ZNRF1: variants seen among roughly 807,000 people sequenced by gnomAD.
The protein encoded by ZNRF1 is zinc and ring finger 1.
Under a neutral mutation model 18.4 loss-of-function variants are expected in ZNRF1, and 3 were observed. The ratio of observed to expected loss-of-function variants is 0.16; its 90% CI spans 0.07 to 0.42. The LOEUF (loss-of-function observed/expected upper bound fraction) is 0.42. Ranked by LOEUF, ZNRF1 falls within the 10% of genes least tolerant of loss-of-function variation. The probability of loss-of-function intolerance (pLI) is 0.99; values close to 1 mark genes in which losing one functional copy is unlikely to be tolerated. For missense variants in ZNRF1, 310 were observed against 329.8 expected (o/e 0.94, Z 0.47); for synonymous variants, 157 against 144.2 (o/e 1.09, Z -0.64).
intron 1 of ZNRF1, among the ~76,000 whole-genome samples, chr16:75,072,657 A>G (rs2035883681): frequency 6.6e-6 from 1 of 152,246 alleles, no homozygotes; most frequent in Non-Finnish European, 1.5e-5. Flanking sequence ...AGGATTAGCT[A>G]TGTTGTAGTA....
In ZNRF1 at chr16:75,010,222, A is replaced by G. The variant is rs1435415969; in HGVS notation, c.424+10127A>G. On this transcript the variant is annotated intron_variant, in intron 1 of 4. Transcript: ENST00000335325. ...GGTCTCGAACTCCTGGCCTCAGGTG[A>G]TCCACCCGCCTCAGCCTCCCAAAGT... Among the ~76,000 whole-genome samples the G allele has an allele frequency of 3.3e-5, 5 of 152,084 alleles. No homozygotes were observed. The East Asian group carries it at 9.6e-4, about 29-fold the overall frequency.
At chr16:75,022,291 A>T (rs4888330) in intron 1 of ZNRF1, among the ~76,000 whole-genome samples, 1 of 151,890 alleles carries the variant, frequency 6.6e-6, no homozygotes, top group African/African-American at 2.4e-5. Flanking sequence ...TGGCTGAGCG[A>T]GGTGGCTCAC....
rs73614029 is a variant in ZNRF1 at position 75,042,490 on chromosome 16, A to C, written c.424+42395A>C. 8.8e-3 allele frequency among the ~76,000 whole-genome samples: 1,261 copies of C among 142,694 alleles called. 19 individuals are homozygous for C. The highest frequency in any genetic ancestry group is 0.031 in the African/African-American group (1,198 of 39,134). 93.6% of individuals were successfully genotyped at this position (142,694 alleles called of 152,430 possible). Reference sequence around the variant, plus strand: ...AAACACACATATTTCTAGTTGTAGCAACATCATTTGTTGAAAAGACCATCC... The same window carrying C: ...AAACACACATATTTCTAGTTGTAGCCACATCATTTGTTGAAAAGACCATCC... On this transcript the variant is annotated intron_variant, in intron 1 of 4. Transcript: ENST00000335325.
At chr16:75,060,570 C>T (rs2145387073) in intron 1 of ZNRF1, among the ~76,000 whole-genome samples, 1 of 141,436 alleles carries the variant, frequency 7.1e-6, no homozygotes, top group Admixed American at 7.0e-5. Flanking sequence ...CCTCCGCCTC[C>T]CAGGTTCAAG....
intron 1 of ZNRF1, among the ~76,000 whole-genome samples, chr16:75,069,385 C>CT (rs2035842622): frequency 6.6e-6 from 1 of 152,160 alleles, no homozygotes. Flanking sequence ...AGTCTTGGAT[C>CT]TTTGTACATT....
At chr16:75,015,265 C>T (rs868320442) in intron 1 of ZNRF1, among the ~76,000 whole-genome samples, 1 of 152,158 alleles carries the variant, frequency 6.6e-6, no homozygotes, top group African/African-American at 2.4e-5. Flanking sequence ...TAAAAATTTG[C>T]ACTTTGTATT....
chr16:75,044,021 C>CA, intron 1 of ZNRF1, among the ~76,000 whole-genome samples: 2 of 152,100 alleles, frequency 1.3e-5, no homozygotes, highest in South Asian at 4.2e-4. Context: ...CCATGTTGGC[C>CA]AGGCTGGTCT....
At chr16:75,068,188 T>TAAAAAAAA (rs57755915) in intron 1 of ZNRF1, among the ~76,000 whole-genome samples, 1 of 88,956 alleles carries the variant, frequency 1.1e-5, no homozygotes, top group Non-Finnish European at 2.3e-5. Context: ...GACCTTGTCT[T>TAAAAAAAA]AAAAAAAAAA....
At chr16:75,101,067 GGGACTACA>G (rs1237375886) in intron 2 of ZNRF1, among the ~76,000 whole-genome samples, 2 of 152,138 alleles carry the variant, frequency 1.3e-5, no homozygotes, top group African/African-American at 2.4e-5. Context: ...CCAAGTAGCT[GGGACTACA>G]GGTGCATGCC....
chr16:75,107,895 G>T lies in ZNRF1; in HGVS notation c.*195G>T. On this transcript the variant is annotated 3_prime_UTR_variant, in exon 5 of 5. Coordinates refer to ENST00000335325, the MANE Select transcript of ZNRF1 (RefSeq NM_032268.5). ...AAATTGGATGAGAGCAAGTTTGAGA[G>T]AAGAATGAATCAACTGCTATCCTTC... 2.3e-6 allele frequency: 1 copy of T among 433,370 alleles called. No homozygotes were observed. Among genetic ancestry groups the T allele is most frequent in the South Asian group, 1.6e-5 (1 of 62,446 alleles). The allele number at this position is 433,370 out of a possible 1,614,324, so 26.8% of individuals were successfully genotyped here.
intron 4 of ZNRF1, 131 bp from the exon 5 acceptor site, chr16:75,107,602 G>T (rs1238124164): frequency 4.8e-6 from 2 of 418,860 alleles, no homozygotes; most frequent in Non-Finnish European, 9.7e-6. Context: ...AATTCCCCGT[G>T]TGCTGTTTGG....
intron 1 of ZNRF1, among the ~76,000 whole-genome samples, chr16:75,021,837 A>G (rs2035153552): frequency 2.0e-5 from 3 of 152,166 alleles, no homozygotes; most frequent in Admixed American, 2.0e-4. Context: ...GTCCTTGAAT[A>G]TCAAATATCA....
intron 1 of ZNRF1, among the ~76,000 whole-genome samples, chr16:75,045,897 CTTT>C (rs368188768): frequency 6.8e-6 from 1 of 147,718 alleles, no homozygotes; most frequent in Non-Finnish European, 1.5e-5. Context: ...TTAATGTTTG[CTTT>C]TTTTTTTATT....
chr16:75,095,673 C>G (rs998458462), intron 2 of ZNRF1: 4 of 1,549,836 alleles, frequency 2.6e-6, no homozygotes, highest in African/African-American at 1.4e-5. Context: ...CAAGAGCAGC[C>G]GTGGAGGACA....
intron 1 of ZNRF1, among the ~76,000 whole-genome samples, chr16:75,060,473 C>CTTTTTT (rs34182819): frequency 1.4e-5 from 1 of 70,246 alleles, no homozygotes; most frequent in Non-Finnish European, 2.6e-5. Flanking sequence ...CTCAGAAAAT[C>CTTTTTT]TTTTTTTTTT....
At chr16:75,034,294 A>T (rs1464577313) in intron 1 of ZNRF1, among the ~76,000 whole-genome samples, 1 of 152,164 alleles carries the variant, frequency 6.6e-6, no homozygotes, top group Non-Finnish European at 1.5e-5. Context: ...CCATTAAACA[A>T]CTGCTTTCCA....
At chr16:75,027,656 ACT>A (rs2035244134) in intron 1 of ZNRF1, among the ~76,000 whole-genome samples, 1 of 151,902 alleles carries the variant, frequency 6.6e-6, no homozygotes, top group Non-Finnish European at 1.5e-5. Flanking sequence ...CATGTACTAC[ACT>A]CTCAATCCTC....
intron 1 of ZNRF1, among the ~76,000 whole-genome samples, chr16:75,062,177 C>T (rs191990436): frequency 1.2e-4 from 18 of 152,316 alleles, no homozygotes; most frequent in African/African-American, 4.1e-4. Context: ...CAGAGCTGTT[C>T]CAGCTCATTT....
intron 1 of ZNRF1, among the ~76,000 whole-genome samples, chr16:75,003,181 C>G (rs555594981): frequency 6.6e-6 from 1 of 152,204 alleles, no homozygotes; most frequent in Non-Finnish European, 1.5e-5. Flanking sequence ...AGGCTGGTCT[C>G]AAACTCCCGA....
Sources: gnomAD v4.1 joint callset for allele counts (sites outside exome capture counted in the v4.1 genomes callset) on GRCh38, gnomAD v4.1.1 for gene constraint, MANE v1.5 for transcripts, NCBI Gene and HGNC (gene_info 2026-07-23, HGNC 2026-07-21) for gene names.